LRRTM3: variants seen among roughly 807,000 people sequenced by gnomAD.
The protein encoded by LRRTM3 is leucine rich repeat transmembrane neuronal 3, also known as leucine-rich repeat transmembrane neuronal protein 3.
Under a neutral mutation model 44.7 loss-of-function variants are expected in LRRTM3, and 24 were observed. That is an observed-to-expected ratio of 0.54 (90% CI 0.39 to 0.76). The LOEUF (loss-of-function observed/expected upper bound fraction) is 0.76. Among genes scored for constraint, LRRTM3 ranks in the 30% least tolerant of loss-of-function variants. LRRTM3 has a pLI of 0.00. For missense variants in LRRTM3, 587 were observed against 702.2 expected, an observed-to-expected ratio of 0.84 and a Z score of 1.85; for synonymous variants, 277 against 278.7, an observed-to-expected ratio of 0.99 and a Z score of 0.06.
chr10:67,075,317 T>C (rs1422444478), intron 2 of LRRTM3, among the ~76,000 whole-genome samples: 1 of 152,148 alleles, frequency 6.6e-6, no homozygotes, highest in African/African-American at 2.4e-5. Context: ...ATGGTTACAT[T>C]TAAAACTGTA....
chr10:67,020,106 A>T (rs1852908699), intron 2 of LRRTM3, among the ~76,000 whole-genome samples: 1 of 152,204 alleles, frequency 6.6e-6, no homozygotes, highest in Non-Finnish European at 1.5e-5. Flanking sequence ...ATCGCCTTAC[A>T]ATAAAAAACA....
intron 2 of LRRTM3, among the ~76,000 whole-genome samples, chr10:67,007,887 A>G (rs751822729): frequency 5.3e-5 from 8 of 152,132 alleles, no homozygotes; most frequent in Non-Finnish European, 8.8e-5. Context: ...AAAGGAAGCT[A>G]CAGAGGAAGA....
At chr10:67,078,677 T>A (rs1457992814) in intron 2 of LRRTM3, among the ~76,000 whole-genome samples, 1 of 152,038 alleles carries the variant, frequency 6.6e-6, no homozygotes, top group Non-Finnish European at 1.5e-5. Context: ...CCACCACACC[T>A]GGCTAATTCT....
chr10:66,926,239 TAAG>T lies in LRRTM3; in HGVS notation c.-339_-337del. The T allele has an allele frequency of 2.1e-6, 1 of 468,660 alleles. No individual in the cohort carries two copies. The highest frequency in any genetic ancestry group is 4.0e-6 in the Non-Finnish European group (1 of 250,880). The allele number at this position is 468,660 out of a possible 1,614,324, so 29.0% of individuals were successfully genotyped here. ...TGGAAGAATACATCATGTTTTTCGA[TAAG>T]AAGAAATTGTAGGATCCAGTTTTTT... On this transcript the variant is annotated 5_prime_UTR_variant, in exon 1 of 3. Coordinates refer to ENST00000361320, the MANE Select transcript of LRRTM3 (RefSeq NM_178011.5).
intron 2 of LRRTM3, among the ~76,000 whole-genome samples, chr10:67,092,528 A>G (rs1220674949): frequency 6.6e-6 from 1 of 151,982 alleles, no homozygotes; most frequent in Non-Finnish European, 1.5e-5. Flanking sequence ...AATTCATATG[A>G]ATGTTCATAT....
chr10:67,020,100 C>T (rs984994055), intron 2 of LRRTM3, among the ~76,000 whole-genome samples: 1 of 152,052 alleles, frequency 6.6e-6, no homozygotes, highest in Non-Finnish European at 1.5e-5. Flanking sequence ...TCCCAAATCG[C>T]CTTACAATAA....
chr10:66,926,313 A>G lies in LRRTM3; in HGVS notation c.-271A>G, dbSNP rs796739889. The G allele has an allele frequency of 1.3e-5, 7 of 551,498 alleles. No homozygotes were observed. The African/African-American group carries it at 1.3e-4, about 11-fold the overall frequency. The allele number at this position is 551,498 out of a possible 1,614,324, so 34.2% of individuals were successfully genotyped here. On this transcript the variant is annotated 5_prime_UTR_variant, in exon 1 of 3. Coordinates refer to ENST00000361320, the MANE Select transcript of LRRTM3 (RefSeq NM_178011.5). ...CCCCCCAAAAAACTGTAAAGATGCA[A>G]AAACGTAATATCCATGAAGATCCTA...
chr10:67,095,568 A>G (rs572576541), intron 2 of LRRTM3, among the ~76,000 whole-genome samples: 29 of 152,002 alleles, frequency 1.9e-4, no homozygotes, highest in African/African-American at 6.5e-4. Flanking sequence ...GTGTGTGCAC[A>G]CACACACACA....
chr10:66,949,820 CAT>C (rs34576564), intron 2 of LRRTM3, among the ~76,000 whole-genome samples: 25,565 of 152,090 alleles, frequency 0.17, 2,241 homozygotes, highest in Non-Finnish European at 0.18. Flanking sequence ...AGCTTTCTCA[CAT>C]GTTTTGTGAT....
chr10:66,926,501 A>G lies in LRRTM3; in HGVS notation c.-83A>G. The G allele has an allele frequency of 2.0e-6, 3 of 1,524,576 alleles. 1 individual carries two copies. In the Middle Eastern group the frequency reaches 5.2e-4, roughly 262 times the overall value. 94.4% of individuals were successfully genotyped at this position (1,524,576 alleles called of 1,614,324 possible). On this transcript the variant is annotated 5_prime_UTR_variant, in exon 1 of 3. Transcript: ENST00000361320. ...GTGTCAGCGAGCCCTGACTCACTAC[A>G]GTGCAGCTGACAGGGGCTGTCATGC... is the stretch of plus-strand genomic sequence containing the variant.
intron 2 of LRRTM3, among the ~76,000 whole-genome samples, chr10:66,972,497 T>G (rs997280165): frequency 1.3e-5 from 2 of 152,034 alleles, no homozygotes; most frequent in Admixed American, 1.3e-4. Flanking sequence ...TTCCTCTTAC[T>G]TCTGCATAAA....
At chr10:66,949,257 A>T (rs993637364) in intron 2 of LRRTM3, among the ~76,000 whole-genome samples, 6 of 152,170 alleles carry the variant, frequency 3.9e-5, no homozygotes, top group Admixed American at 3.9e-4. Context: ...CATCCCCTTT[A>T]AAAATCACTA....
chr10:66,988,936 C>T (rs908789879), intron 2 of LRRTM3, among the ~76,000 whole-genome samples: 3 of 151,990 alleles, frequency 2.0e-5, no homozygotes, highest in Admixed American at 6.6e-5. Context: ...GATCATCTTC[C>T]TCTTCATTTC....
intron 2 of LRRTM3, among the ~76,000 whole-genome samples, chr10:67,053,232 C>T (rs1855220027): frequency 6.6e-6 from 1 of 152,120 alleles, no homozygotes; most frequent in Non-Finnish European, 1.5e-5. Context: ...GAAAATAAGG[C>T]TACCTACACA....
At position 67,072,902 on chromosome 10, in the gene LRRTM3, A is replaced by G. The variant is rs1028036696; in HGVS notation, c.1537-24685A>G. Among the ~76,000 whole-genome samples, 18 of 37,932 alleles carry G rather than the reference A, an allele frequency of 4.7e-4. No individual in the cohort carries two copies. The East Asian group carries it at 9.5e-3, about 20-fold the overall frequency. 24.9% of individuals were successfully genotyped at this position (37,932 alleles called of 152,430 possible). ...TTGGAAGCTCTGCCTTTGGCTTCCT[A>G]TGCAGCCTCAAAACACAGCAAACAT... On this transcript the variant is annotated intron_variant, in intron 2 of 2. Transcript: ENST00000361320.
At chr10:66,944,423 G>A (rs1035991529) in intron 2 of LRRTM3, among the ~76,000 whole-genome samples, 1 of 152,070 alleles carries the variant, frequency 6.6e-6, no homozygotes, top group African/African-American at 2.4e-5. Context: ...CACATCTTCA[G>A]TTACTTCCTC....
Position 66,985,033 on chromosome 10 carries a change from C to T in LRRTM3, c.1536+56581C>T, listed in dbSNP as rs12217993. ...ATTTCAGTTCTACAAACATACAGAG[C>T]TCATCCCTGCCTTTGTTTCTTTGTC... On this transcript the variant is annotated intron_variant, in intron 2 of 2. Transcript: ENST00000361320. Among the ~76,000 whole-genome samples, 573 of 152,260 alleles carry T rather than the reference C, an allele frequency of 3.8e-3. 29 individuals are homozygous for T. In the East Asian group the frequency reaches 0.09, roughly 24 times the overall value.
rs1284677852 is a variant in LRRTM3 at position 67,097,777 on chromosome 10, A to G, written c.1727A>G (p.His576Arg). ...TITTAGRISD[H>R]KQQLA ...ACAACAGCTGGCCGAATCAGTGACC[A>G]TAAACAGCAGCTAGCTTAACTGAGA... The change falls in exon 3 of 3, where the codon CAT becomes CGT. Residue 576 changes from histidine to arginine, a missense_variant. His to Arg is a conservative substitution (Grantham distance 29). This residue lies in a region of LRRTM3 where 315 missense variants were observed against 335.6 expected (regional missense o/e 0.94). Coordinates refer to ENST00000361320, the MANE Select transcript of LRRTM3 (RefSeq NM_178011.5). 6.2e-7 allele frequency: 1 copy of G among 1,612,240 alleles called. No homozygotes were observed. Among genetic ancestry groups the G allele is most frequent in the African/African-American group, 1.3e-5 (1 of 74,774 alleles).
chr10:67,059,357 A>C (rs1188492199), intron 2 of LRRTM3, among the ~76,000 whole-genome samples: 1 of 152,234 alleles, frequency 6.6e-6, no homozygotes, highest in Non-Finnish European at 1.5e-5. Context: ...ATAATATTTT[A>C]AGACCAATGA....
Sources: allele counts gnomAD v4.1 joint callset (sites outside exome capture counted in the v4.1 genomes callset), GRCh38; gene constraint gnomAD v4.1.1; regional missense constraint gnomAD v4.1.1; transcripts MANE v1.5; gene names NCBI Gene and HGNC (gene_info 2026-07-23, HGNC 2026-07-21).